Variants in FAM185A observed in about 807,000 individuals in gnomAD.
The protein encoded by FAM185A is protein FAM185A.
A neutral mutation model predicts 45.7 loss-of-function variants in FAM185A; 21 were observed. The ratio of observed to expected loss-of-function variants is 0.46; its 90% CI spans 0.33 to 0.66. The LOEUF (loss-of-function observed/expected upper bound fraction) is 0.66, where lower values mean the gene tolerates loss of function less well. FAM185A is among the 30% of genes least tolerant of loss of function. The probability of loss-of-function intolerance (pLI) is 0.03; values close to 1 mark genes in which losing one functional copy is unlikely to be tolerated. For synonymous variants in FAM185A, 117 were observed against 194.0 expected, an observed-to-expected ratio of 0.60 and a Z score of 3.30; for missense variants, 305 against 485.4, an observed-to-expected ratio of 0.63 and a Z score of 3.49.
chr7:102,801,554 T>A (rs1796791475), intron 7 of FAM185A, among the ~76,000 whole-genome samples: 1 of 152,180 alleles, frequency 6.6e-6, no homozygotes, highest in Admixed American at 6.5e-5. Flanking sequence ...AGGCATTTCA[T>A]GCAAGTGGAC....
At chr7:102,793,756 C>T (rs1042775745) in intron 7 of FAM185A, among the ~76,000 whole-genome samples, 2 of 151,294 alleles carry the variant, frequency 1.3e-5, no homozygotes, top group Non-Finnish European at 2.9e-5. Flanking sequence ...TGTAAAAGCC[C>T]GGCCGGGCAC....
the FAM185A span, among the ~76,000 whole-genome samples, chr7:102,834,087 A>AGG: frequency 0.22 from 12,406 of 57,212 alleles, 1,324 homozygotes; most frequent in East Asian, 0.43. Context: ...GAAGGAAAGA[A>AGG]AAGAAAGAAA....
Position 102,761,319 on chromosome 7 carries a change from C to A in FAM185A, c.701C>A (p.Thr234Asn), listed in dbSNP as rs770103710. Reference sequence around the variant, plus strand: ...CAGGGAAGTTCTGTTACTGTATCTACCGAAGATGGTTTGCTGAAAGCCAAG... The same window carrying A: ...CAGGGAAGTTCTGTTACTGTATCTAACGAAGATGGTTTGCTGAAAGCCAAG... ...KLQGSSVTVS[T>N]EDGLLKAKYL... is the part of the protein sequence containing the mutation. The change falls in exon 4 of 8, where the codon ACC (threonine) becomes AAC (asparagine). Residue 234 changes from threonine (T) to asparagine (N), a missense_variant. Thr to Asn is a moderately conservative substitution (Grantham distance 65, BLOSUM62 0). Coordinates refer to ENST00000413034, the MANE Select transcript of FAM185A (RefSeq NM_001145268.2). 2.9e-5 allele frequency: 45 copies of A among 1,546,852 alleles called. No homozygotes were observed. Among genetic ancestry groups the A allele is most frequent in the South Asian group, 3.6e-5 (3 of 83,142 alleles).
intron 7 of FAM185A, among the ~76,000 whole-genome samples, chr7:102,799,669 G>A (rs1291046991): frequency 1.3e-5 from 2 of 152,124 alleles, no homozygotes; most frequent in African/African-American, 4.8e-5. Context: ...AGGTCCACTC[G>A]CCCAGCGTAA....
At chr7:102,841,947 C>A in the FAM185A span, among the ~76,000 whole-genome samples, 1 of 152,204 alleles carries the variant, frequency 6.6e-6, no homozygotes, top group African/African-American at 2.4e-5. Context: ...GATATCCCCA[C>A]TACCCTTCAT....
At chr7:102,778,719 T>C (rs1320190286) in intron 6 of FAM185A, among the ~76,000 whole-genome samples, 1 of 152,226 alleles carries the variant, frequency 6.6e-6, no homozygotes, top group Admixed American at 6.5e-5. Context: ...ACTGGGACCA[T>C]GTTACTGGCA....
chr7:102,782,946 T>C (rs1181621959), intron 6 of FAM185A, among the ~76,000 whole-genome samples: 2 of 150,634 alleles, frequency 1.3e-5, no homozygotes, highest in Admixed American at 6.6e-5. Context: ...AAATAAAGGA[T>C]GGAGGAAGAT....
downstream of FAM185A, chr7:102,813,383 C>T (rs759146701): frequency 3.7e-6 from 6 of 1,613,872 alleles, no homozygotes. Context: ...GACTTTTTCA[C>T]TGTTAATTCT....
At chr7:102,779,102 A>G (rs1795251863) in intron 6 of FAM185A, among the ~76,000 whole-genome samples, 2 of 152,174 alleles carry the variant, frequency 1.3e-5, no homozygotes, top group African/African-American at 2.4e-5. Flanking sequence ...TCCTTGGGAA[A>G]ATCACTAATT....
At chr7:102,774,577 T>C (rs1337982704) in intron 5 of FAM185A, among the ~76,000 whole-genome samples, 1 of 152,122 alleles carries the variant, frequency 6.6e-6, no homozygotes, top group Non-Finnish European at 1.5e-5. Flanking sequence ...CAGATGCCTT[T>C]TATCAGATTG....
intron 4 of FAM185A, among the ~76,000 whole-genome samples, chr7:102,765,030 G>C (rs1043243186): frequency 1.4e-4 from 22 of 152,260 alleles, no homozygotes; most frequent in Non-Finnish European, 2.4e-4. Flanking sequence ...GCTGTTCACA[G>C]ATGAGGAAAA....
the FAM185A span, among the ~76,000 whole-genome samples, chr7:102,824,672 G>A: frequency 6.6e-6 from 1 of 151,884 alleles, no homozygotes; most frequent in African/African-American, 2.4e-5. Context: ...TTTTAGTAGA[G>A]ACAGGGTTTT....
intron 7 of FAM185A, among the ~76,000 whole-genome samples, chr7:102,804,241 AAG>A (rs1401112036): frequency 1.6e-4 from 24 of 152,194 alleles, no homozygotes; most frequent in Non-Finnish European, 3.1e-4. Flanking sequence ...ACTAAGCAAA[AAG>A]AACAAATCTG....
chr7:102,811,595 A>G (rs1469087977), downstream of FAM185A, among the ~76,000 whole-genome samples: 1 of 152,254 alleles, frequency 6.6e-6, no homozygotes, highest in Admixed American at 6.5e-5. Flanking sequence ...TCTGGAGAAC[A>G]TAACAGGGTG....
chr7:102,833,093 GC>G, the FAM185A span: 71 of 1,030,302 alleles, frequency 6.9e-5, no homozygotes, highest in East Asian at 1.8e-3. Context: ...AGATCTTGAT[GC>G]CCCCAAAAAA....
the FAM185A span, among the ~76,000 whole-genome samples, chr7:102,831,808 T>G: frequency 6.6e-6 from 1 of 152,166 alleles, no homozygotes; most frequent in African/African-American, 2.4e-5. Context: ...TCTCCTCTCC[T>G]GTTTTCCTTA....
chr7:102,803,400 A>C (rs1796910312), intron 7 of FAM185A, among the ~76,000 whole-genome samples: 1 of 152,192 alleles, frequency 6.6e-6, no homozygotes, highest in Admixed American at 6.5e-5. Context: ...TAAATGTGAT[A>C]CACCACATAA....
At chr7:102,834,975 A>T in the FAM185A span, among the ~76,000 whole-genome samples, 1 of 152,042 alleles carries the variant, frequency 6.6e-6, no homozygotes, top group African/African-American at 2.4e-5. Flanking sequence ...TCAGTTAAAA[A>T]TTTTAAGCCA....
chr7:102,780,995 C>T (rs1218684476), intron 6 of FAM185A, among the ~76,000 whole-genome samples: 14 of 152,298 alleles, frequency 9.2e-5, no homozygotes, highest in African/African-American at 1.2e-4. Flanking sequence ...TCTTAGCAAA[C>T]GGCACACCAG....
Sources: gnomAD v4.1 joint callset for allele counts (sites outside exome capture counted in the v4.1 genomes callset) on GRCh38, gnomAD v4.1.1 for gene constraint, MANE v1.5 for transcripts, NCBI Gene and HGNC (gene_info 2026-07-23, HGNC 2026-07-21) for gene names.